Variants in AKR7A3 observed in about 807,000 individuals in gnomAD.
AKR7A3 encodes the protein AFB1 aldehyde reductase 2.
Under a neutral mutation model 32.5 loss-of-function variants are expected in AKR7A3, and 37 were observed. The ratio of observed to expected loss-of-function variants is 1.14; its 90% CI spans 0.88 to 1.50. The LOEUF (loss-of-function observed/expected upper bound fraction) is 1.50. Among genes scored for constraint, AKR7A3 ranks in the 40% most tolerant of loss-of-function variants. The probability of loss-of-function intolerance (pLI) is 0.00; values close to 1 mark genes in which losing one functional copy is unlikely to be tolerated. For synonymous variants in AKR7A3, 177 were observed against 188.4 expected, an observed-to-expected ratio of 0.94 and a Z score of 0.50; for missense variants, 412 against 453.2, an observed-to-expected ratio of 0.91 and a Z score of 0.83.
chr1:19,287,957 G>A (rs2093733838), intron 1 of AKR7A3, among the ~76,000 whole-genome samples: 1 of 152,204 alleles, frequency 6.6e-6, no homozygotes, highest in Non-Finnish European at 1.5e-5. Context: ...CCCTTGTGAG[G>A]TGCCCTTGTG....
chr1:19,285,128 G>A lies in AKR7A3; in HGVS notation c.508-14C>T, dbSNP rs1306721186. ...ATTGTACATGCCCTGTAAGGAGAGG[G>A]GCCCCGGGGGAGAGGGTGGATGTGT... is the stretch of plus-strand genomic sequence containing the variant. On this transcript the variant is annotated splice_polypyrimidine_tract_variant and intron_variant, in intron 3 of 6. Coordinates refer to ENST00000361640, the MANE Select transcript of AKR7A3 (RefSeq NM_012067.3). The A allele has an allele frequency of 1.2e-6, 2 of 1,613,050 alleles. No individual in the cohort carries two copies. Among genetic ancestry groups the A allele is most frequent in the East Asian group, 4.5e-5 (2 of 44,836 alleles).
chr1:19,283,918 A>C, intron 6 of AKR7A3, 78 bp downstream of exon 6: 1 of 1,591,914 alleles, frequency 6.3e-7, no homozygotes, highest in Admixed American at 1.8e-5. Flanking sequence ...TCGATAAACA[A>C]ATGTTTCAGC....
chr1:19,283,891 G>A, intron 6 of AKR7A3, 105 bp downstream of exon 6: 1 of 1,550,740 alleles, frequency 6.4e-7, no homozygotes. Flanking sequence ...TTGAAAGAAA[G>A]AGAAATTTCA....
chr1:19,288,377 G>A lies in AKR7A3; in HGVS notation c.214+119C>T, dbSNP rs1328795922. 10 of 1,276,176 alleles carry A rather than the reference G, an allele frequency of 7.8e-6. 1 individual carries two copies. In the East Asian group the frequency reaches 2.1e-4, roughly 27 times the overall value. The allele number at this position is 1,276,176 out of a possible 1,614,324, so 79.1% of individuals were successfully genotyped here. ...GGCTGCGAGGTGAACAGGGGTGGGG[G>A]CGGTGGGGGGGACAAAACTTTGGGT... On this transcript the variant is annotated intron_variant, in intron 1 of 6. Transcript: ENST00000361640.
downstream of AKR7A3, among the ~76,000 whole-genome samples, chr1:19,281,970 T>C (rs1180144779): frequency 6.6e-6 from 1 of 151,964 alleles, no homozygotes; most frequent in East Asian, 1.9e-4. Flanking sequence ...CTTGTTTGAT[T>C]ATACAGGTTC....
chr1:19,276,326 A>G, the AKR7A3 span, among the ~76,000 whole-genome samples: 34 of 142,122 alleles, frequency 2.4e-4, no homozygotes, highest in Non-Finnish European at 4.3e-4. Context: ...GCGCCACTGC[A>G]GTCCAGACTA....
downstream of AKR7A3, chr1:19,282,414 C>T: frequency 2.4e-6 from 1 of 417,070 alleles, no homozygotes; most frequent in East Asian, 5.3e-5. Flanking sequence ...TCTGCCATGA[C>T]TGTAAGCTTC....
chr1:19,285,128 G>T lies in AKR7A3; in HGVS notation c.508-14C>A, dbSNP rs1306721186. ...ATTGTACATGCCCTGTAAGGAGAGG[G>T]GCCCCGGGGGAGAGGGTGGATGTGT... On this transcript the variant is annotated splice_polypyrimidine_tract_variant and intron_variant, in intron 3 of 6. Transcript: ENST00000361640. The T allele has an allele frequency of 9.3e-6, 15 of 1,612,934 alleles. No homozygotes were observed. The highest frequency in any genetic ancestry group is 1.3e-5 in the Non-Finnish European group (15 of 1,179,602).
Position 19,285,993 on chromosome 1 carries a change from C to T in AKR7A3, c.403-1G>A. 1 of 1,613,718 alleles carries T rather than the reference C, an allele frequency of 6.2e-7. No individual in the cohort carries two copies. The highest frequency in any genetic ancestry group is 8.5e-7 in the Non-Finnish European group (1 of 1,179,954). On this transcript the variant is annotated splice_acceptor_variant, in intron 2 of 6. Coordinates refer to ENST00000361640, the MANE Select transcript of AKR7A3 (RefSeq NM_012067.3). LOFTEE classifies it high-confidence loss of function. The stretch of plus-strand genomic sequence containing the variant: ...AGAGGCCAAGCTCCACGAACTTGCC[C>T]TGCTCAGGTGAGGCTCCAGTCAGAA...
At chr1:19,275,839 C>T in the AKR7A3 span, among the ~76,000 whole-genome samples, 6 of 151,494 alleles carry the variant, frequency 4.0e-5, no homozygotes, top group East Asian at 1.2e-3. Context: ...AGAAAAACTA[C>T]CAAAGACAAA....
chr1:19,283,934 T>A, intron 6 of AKR7A3, 62 bp downstream of exon 6: 1 of 1,608,190 alleles, frequency 6.2e-7, no homozygotes, highest in Non-Finnish European at 8.5e-7. Flanking sequence ...TCAGCCTTCA[T>A]CTAAAGATAT....
At chr1:19,274,899 C>CAGAAAAAAAAAAAAA in the AKR7A3 span, among the ~76,000 whole-genome samples, 1 of 44,312 alleles carries the variant, frequency 2.3e-5, no homozygotes, top group South Asian at 1.4e-3. Flanking sequence ...TCTCTAAATA[C>CAGAAAAAAAAAAAAA]AAAAAAAAAA....
At chr1:19,284,213 A>T in intron 5 of AKR7A3, 88 bp from the exon 6 acceptor site, 1 of 1,509,606 alleles carries the variant, frequency 6.6e-7, no homozygotes, top group Non-Finnish European at 8.9e-7. Context: ...CCCACCCCAC[A>T]CCCTGCAGCC....
intron 1 of AKR7A3, 43 bp downstream of exon 1, chr1:19,288,453 C>T: frequency 1.3e-6 from 2 of 1,596,392 alleles, no homozygotes; most frequent in Non-Finnish European, 1.7e-6. Flanking sequence ...TGGACAGGCT[C>T]AGCTCTGCAC....
At position 19,287,701 on chromosome 1, in the gene AKR7A3, C is replaced by G. The variant is rs189026954; in HGVS notation, c.214+795G>C. ...TCCACACCCATGCCCACTGCCCTGA[C>G]GCCCTTGCCCCTTGTACTCTTCCTG... On this transcript the variant is annotated intron_variant, in intron 1 of 6. Coordinates refer to ENST00000361640, the MANE Select transcript of AKR7A3 (RefSeq NM_012067.3). Among the ~76,000 whole-genome samples, 5 of 152,320 alleles carry G rather than the reference C, an allele frequency of 3.3e-5. No individual in the cohort carries two copies. In the East Asian group the frequency reaches 5.8e-4, roughly 18 times the overall value.
At chr1:19,283,972 T>C in intron 6 of AKR7A3, 24 bp downstream of exon 6, 1 of 1,612,546 alleles carries the variant, frequency 6.2e-7, no homozygotes, top group Non-Finnish European at 8.5e-7. Flanking sequence ...GGGAAGAAGC[T>C]GAGCGCACAG....
the AKR7A3 span, among the ~76,000 whole-genome samples, chr1:19,275,341 G>A: frequency 2.4e-4 from 37 of 151,736 alleles, no homozygotes; most frequent in Middle Eastern, 6.8e-3. Flanking sequence ...AACCTTGGAG[G>A]CGGAGGTTGC....
chr1:19,277,528 CTTTTT>C, the AKR7A3 span, among the ~76,000 whole-genome samples: 4 of 147,758 alleles, frequency 2.7e-5, no homozygotes, highest in Admixed American at 2.7e-4. Context: ...TAAGCATTTA[CTTTTT>C]TTTTTTGAGA....
At chr1:19,280,446 T>C (rs1415758177), downstream of AKR7A3, among the ~76,000 whole-genome samples, 2 of 151,898 alleles carry the variant, frequency 1.3e-5, no homozygotes, top group East Asian at 1.9e-4. Flanking sequence ...TTTTAGCCTA[T>C]ACATTTAGGT....
Sources: gnomAD v4.1 joint callset for allele counts (sites outside exome capture counted in the v4.1 genomes callset) on GRCh38, gnomAD v4.1.1 for gene constraint, MANE v1.5 for transcripts, NCBI Gene and HGNC (gene_info 2026-07-23, HGNC 2026-07-21) for gene names.